PIEZO2: variants seen among roughly 807,000 people sequenced by gnomAD.
PIEZO2 encodes the protein piezo type mechanosensitive ion channel component 2.
Under a neutral mutation model 337.3 loss-of-function variants are expected in PIEZO2, and 172 were observed. The ratio of observed to expected loss-of-function variants is 0.51; its 90% CI spans 0.45 to 0.58. PIEZO2 has a LOEUF of 0.58. Among genes scored for constraint, PIEZO2 ranks in the 20% least tolerant of loss-of-function variants. PIEZO2 has a pLI of 0.00. For missense variants in PIEZO2, 3,028 were observed against 3,391.3 expected (o/e 0.89, Z 2.66); for synonymous variants, 1,251 against 1,228.5 (o/e 1.02, Z -0.38).
intron 1 of PIEZO2, among the ~76,000 whole-genome samples, chr18:11,120,298 A>C (rs1381974962): frequency 6.6e-6 from 1 of 152,238 alleles, no homozygotes; most frequent in African/African-American, 2.4e-5. Context: ...TGCATGAAAA[A>C]TATTTACCAC....
chr18:11,099,789 CT>C lies in PIEZO2; in HGVS notation c.65-33568del, dbSNP rs1408384628. On this transcript the variant is annotated intron_variant, in intron 1 of 55. Transcript: ENST00000674853. The surrounding 1 kb of genome is among the most constrained non-coding windows in gnomAD (Gnocchi z 5.4). ...CTTTATTCTTAATGAGGTTGATTTT[CT>C]TTTTATTTGATTCATTAGTGATTTG... Among the ~76,000 whole-genome samples the C allele has an allele frequency of 6.6e-6, 1 of 152,084 alleles. No individual in the cohort carries two copies. Among genetic ancestry groups the C allele is most frequent in the African/African-American group, 2.4e-5 (1 of 41,406 alleles).
intron 36 of PIEZO2, chr18:10,725,338 A>T (rs1414018929): frequency 3.2e-5 from 52 of 1,604,776 alleles, no homozygotes; most frequent in Non-Finnish European, 4.1e-5. Context: ...GTTGTGGTGC[A>T]GCTGAGTGAA....
intron 36 of PIEZO2, among the ~76,000 whole-genome samples, chr18:10,720,212 A>T (rs994807066): frequency 2.1e-5 from 3 of 145,784 alleles, no homozygotes; most frequent in African/African-American, 7.7e-5. Flanking sequence ...ATATATGTAT[A>T]TATGAATATA....
chr18:10,962,574 G>A lies in PIEZO2; in HGVS notation c.286+16961C>T, dbSNP rs1598750449. Among the ~76,000 whole-genome samples, 1 of 152,122 alleles carries A rather than the reference G, an allele frequency of 6.6e-6. No individual in the cohort carries two copies. Among genetic ancestry groups the A allele is most frequent in the East Asian group, 1.9e-4 (1 of 5,174 alleles). On this transcript the variant is annotated intron_variant, in intron 3 of 55. Transcript: ENST00000674853. The surrounding 1 kb of genome is among the most constrained non-coding windows in gnomAD (Gnocchi z 4.1). ...ACTTCAGGTGACTTTATTTCATGTTGCTCTAGACCAGGCATTTTTGCCTCA... is the reference window on the plus strand; with the variant it reads ...ACTTCAGGTGACTTTATTTCATGTTACTCTAGACCAGGCATTTTTGCCTCA...
At chr18:11,030,088 A>G (rs1214606277) in intron 2 of PIEZO2, among the ~76,000 whole-genome samples, 1 of 152,194 alleles carries the variant, frequency 6.6e-6, no homozygotes, top group Non-Finnish European at 1.5e-5. Flanking sequence ...TTCTCATACT[A>G]TGATCTTTCT....
In PIEZO2 at chr18:10,877,405, C is replaced by T. The variant is rs1276100565; in HGVS notation, c.330-5990G>A. 2.0e-5 allele frequency among the ~76,000 whole-genome samples: 3 copies of T among 152,196 alleles called. No homozygotes were observed. The highest frequency in any genetic ancestry group is 4.4e-5 in the Non-Finnish European group (3 of 68,040). On this transcript the variant is annotated intron_variant, in intron 4 of 55. Transcript: ENST00000674853. The surrounding 1 kb of genome is among the most constrained non-coding windows in gnomAD (Gnocchi z 5.3). ...AATGTAATGCCCAGTCCAACTCGTC[C>T]GCTGAGAAACATTAGCATATATCCA... is the stretch of plus-strand genomic sequence containing the variant.
rs867773982 is a variant in PIEZO2, at chr18:10,789,180, C to T, written c.2068G>A (p.Val690Ile). 17 of 1,537,156 alleles carry T rather than the reference C, an allele frequency of 1.1e-5. No homozygotes were observed. The highest frequency in any genetic ancestry group is 4.1e-5 in the African/African-American group (3 of 73,044). The change falls in exon 15 of 56, where the codon GTC becomes ATC. Residue 690 changes from valine to isoleucine, a missense_variant. Val to Ile is a conservative substitution (Grantham distance 29). Coordinates refer to ENST00000674853, the MANE Select transcript of PIEZO2 (RefSeq NM_001378183.1). Reference protein sequence around the residue: ...VAMFIKYWIYVCGGMFFFVSF... With the variant: ...VAMFIKYWIYICGGMFFFVSF... ...ACGAAGAAGAACATGCCTCCGCAGA[C>T]GTAGATCCAGTACTTGATGAACATG...
intron 3 of PIEZO2, among the ~76,000 whole-genome samples, chr18:10,917,788 G>A (rs2145116595): frequency 6.6e-6 from 1 of 152,264 alleles, no homozygotes; most frequent in East Asian, 1.9e-4. Context: ...TACTGTAGGG[G>A]CTGCCAGGCA....
rs2038206597 is a variant in PIEZO2, at chr18:10,763,053, G to A, written c.2992C>T (p.Leu998=). Residue 998 remains leucine, a synonymous_variant, in exon 22 of 56, where the codon CTG becomes TTG. Coordinates refer to ENST00000674853, the MANE Select transcript of PIEZO2 (RefSeq NM_001378183.1). ...YVFLISWAFA[L]PYAKLRRLAS... The stretch of plus-strand genomic sequence containing the variant: ...AGACGGCGCAGCTTGGCGTACGGCA[G>A]AGCAAAAGCCCAAGAAATCAAAAAT... The A allele has an allele frequency of 6.5e-7, 1 of 1,537,226 alleles. No individual in the cohort carries two copies. Among genetic ancestry groups the A allele is most frequent in the Non-Finnish European group, 8.7e-7 (1 of 1,146,950 alleles).
At chr18:10,688,786 C>T (rs569881173) in intron 49 of PIEZO2, among the ~76,000 whole-genome samples, 97 of 152,250 alleles carry the variant, frequency 6.4e-4, no homozygotes, top group African/African-American at 2.1e-3. Flanking sequence ...GATTTCCAGA[C>T]GCTTTGGCAC....
intron 42 of PIEZO2, among the ~76,000 whole-genome samples, chr18:10,703,124 G>T (rs900022672): frequency 6.6e-6 from 1 of 152,182 alleles, no homozygotes; most frequent in Non-Finnish European, 1.5e-5. Flanking sequence ...AAAGTGCTGG[G>T]ACTATAGCCA....
intron 3 of PIEZO2, among the ~76,000 whole-genome samples, chr18:10,944,485 T>C (rs2032900401): frequency 1.3e-5 from 1 of 74,846 alleles, no homozygotes; most frequent in Admixed American, 1.7e-4. Context: ...TATATCTTAG[T>C]AACATATATA....
chr18:10,823,552 A>AT (rs1003206336), intron 7 of PIEZO2, among the ~76,000 whole-genome samples: 1 of 152,194 alleles, frequency 6.6e-6, no homozygotes, highest in African/African-American at 2.4e-5. Flanking sequence ...TGAAGGAATA[A>AT]TTTTTTTCAT....
intron 42 of PIEZO2, among the ~76,000 whole-genome samples, chr18:10,702,378 G>T (rs1318099907): frequency 6.6e-6 from 1 of 152,152 alleles, no homozygotes; most frequent in Admixed American, 6.6e-5. Flanking sequence ...AACCGTCACA[G>T]TGTCTTTCAC....
Position 10,748,734 on chromosome 18 carries a change from G to A in PIEZO2, c.4265-104C>T. On this transcript the variant is annotated intron_variant, in intron 29 of 55. Coordinates refer to ENST00000674853, the MANE Select transcript of PIEZO2 (RefSeq NM_001378183.1). The surrounding 1 kb of genome is among the most constrained non-coding windows in gnomAD (Gnocchi z 5.1). ...AGGCTTGGGAAATATAGGCATAAAA[G>A]CAGCATTCTGATGCTCTGACTTACT... The A allele has an allele frequency of 9.3e-7, 1 of 1,077,774 alleles. No individual in the cohort carries two copies. Among genetic ancestry groups the A allele is most frequent in the Non-Finnish European group, 1.3e-6 (1 of 785,950 alleles). The allele number at this position is 1,077,774 out of a possible 1,614,324, so 66.8% of individuals were successfully genotyped here. A position where few individuals can be genotyped will look rare whatever the true frequency, so the allele number is the denominator to read the frequency against.
chr18:10,787,013 AT>A, intron 16 of PIEZO2, 22 bp downstream of exon 16: 2 of 1,520,142 alleles, frequency 1.3e-6, no homozygotes, highest in South Asian at 1.2e-5. Context: ...CTTGTTCATC[AT>A]TTTCAACTCA....
chr18:10,744,305 C>T, intron 30 of PIEZO2, 74 bp from the exon 31 acceptor site: 1 of 981,310 alleles, frequency 1.0e-6, no homozygotes, highest in Non-Finnish European at 1.5e-6. Flanking sequence ...AAAATTATTA[C>T]TAAGGGTTAG....
Position 10,759,457 on chromosome 18 carries a change from G to C in PIEZO2, c.3757+25C>G, listed in dbSNP as rs1225149681. 6.6e-7 allele frequency: 1 copy of C among 1,515,340 alleles called. No homozygotes were observed. Among genetic ancestry groups the C allele is most frequent in the South Asian group, 1.2e-5 (1 of 83,572 alleles). The allele number at this position is 1,515,340 out of a possible 1,614,324, so 93.9% of individuals were successfully genotyped here. On this transcript the variant is annotated intron_variant, in intron 26 of 55. Transcript: ENST00000674853. The surrounding 1 kb of genome is among the most constrained non-coding windows in gnomAD (Gnocchi z 5.5). ...CAGTAAACCCGGATACCAGCACTCTGTGGCCCTGCAGTGGAAACACTTACA... is the reference window on the plus strand; with the variant it reads ...CAGTAAACCCGGATACCAGCACTCTCTGGCCCTGCAGTGGAAACACTTACA...
At chr18:10,968,933 A>C (rs1272187446) in intron 3 of PIEZO2, among the ~76,000 whole-genome samples, 1 of 152,228 alleles carries the variant, frequency 6.6e-6, no homozygotes, top group Non-Finnish European at 1.5e-5. Flanking sequence ...AAAATCAAGA[A>C]GAATTGTCCA....
Sources: allele counts gnomAD v4.1 joint callset (sites outside exome capture counted in the v4.1 genomes callset), GRCh38; gene constraint gnomAD v4.1.1; non-coding constraint Gnocchi (gnomAD v3.1); transcripts MANE v1.5; gene names NCBI Gene and HGNC (gene_info 2026-07-23, HGNC 2026-07-21).